RFWD3: variants seen among roughly 807,000 people sequenced by gnomAD.
RFWD3 encodes E3 ubiquitin-protein ligase RFWD3.
A neutral mutation model predicts 87.7 loss-of-function variants in RFWD3; 65 were observed. That is an observed-to-expected ratio of 0.74 (90% CI 0.61 to 0.91). The LOEUF is 0.91. Among genes scored for constraint, RFWD3 ranks in the 40% least tolerant of loss-of-function variants. The pLI is 0.00. For synonymous variants in RFWD3, 433 were observed against 352.8 expected, an observed-to-expected ratio of 1.23 and a Z score of -2.55; for missense variants, 1,078 against 938.5, an observed-to-expected ratio of 1.15 and a Z score of -1.94.
intron 2 of RFWD3, among the ~76,000 whole-genome samples, chr16:74,659,505 G>C (rs1961261359): frequency 6.6e-6 from 1 of 152,060 alleles, no homozygotes; most frequent in South Asian, 2.1e-4. Context: ...TGAGGCACAA[G>C]AATCGCTTGA....
chr16:74,624,363 A>C (rs1469103910), intron 12 of RFWD3, among the ~76,000 whole-genome samples: 1 of 152,162 alleles, frequency 6.6e-6, no homozygotes, highest in East Asian at 1.9e-4. Context: ...AGGGTCAATA[A>C]GATAAAGTCC....
intron 10 of RFWD3, among the ~76,000 whole-genome samples, chr16:74,629,253 C>G (rs924042143): frequency 6.6e-6 from 1 of 152,074 alleles, no homozygotes; most frequent in African/African-American, 2.4e-5. Context: ...CCAAAGTTGC[C>G]AAAGTGTCTA....
chr16:74,660,990 T>C lies in RFWD3; in HGVS notation c.460A>G (p.Arg154Gly). 1 of 1,614,144 alleles carries C rather than the reference T, an allele frequency of 6.2e-7. No individual in the cohort carries two copies. ...CTTGCCCTCCGTGAAGCAGATACCC[T>C]CCTTCTTGTTCTCATTGGCCCTACA... ...HSVGPMRTRR[R>G]VSASRRARAG... is the part of the protein sequence containing the mutation. The change falls in exon 2 of 13, where the codon AGG becomes GGG. Residue 154 changes from arginine to glycine, a missense_variant. By Grantham distance (125) the Arg-to-Gly change is moderately radical (BLOSUM62 -2). Transcript: ENST00000361070.
rs1200156371 is a variant in RFWD3 at position 74,644,792 on chromosome 16, A to G, written c.793-57T>C. The G allele has an allele frequency of 7.2e-6, 11 of 1,526,758 alleles. No individual in the cohort carries two copies. The African/African-American group carries it at 1.5e-4, about 21-fold the overall frequency. The allele number at this position is 1,526,758 out of a possible 1,614,324, so 94.6% of individuals were successfully genotyped here. On this transcript the variant is annotated intron_variant, in intron 4 of 12. Coordinates refer to ENST00000361070, the MANE Select transcript of RFWD3 (RefSeq NM_018124.4). Reference sequence around the variant, plus strand: ...AGAAAATGTAAAATCAATCTTGAAGAAGATGTGCAACTAAGAAATTAACAG... The same window carrying G: ...AGAAAATGTAAAATCAATCTTGAAGGAGATGTGCAACTAAGAAATTAACAG...
At chr16:74,634,377 T>C (rs1183996902) in intron 8 of RFWD3, among the ~76,000 whole-genome samples, 4 of 88,352 alleles carry the variant, frequency 4.5e-5, no homozygotes, top group Admixed American at 3.7e-4. Context: ...TACTAAGTAC[T>C]TTATATATAT....
intron 6 of RFWD3, among the ~76,000 whole-genome samples, chr16:74,643,442 T>G (rs943945099): frequency 4.6e-5 from 7 of 152,196 alleles, no homozygotes; most frequent in Non-Finnish European, 1.0e-4. Flanking sequence ...AAATGAAGTT[T>G]CATTAAGTAA....
Position 74,661,118 on chromosome 16 carries a change from G to A in RFWD3, c.332C>T (p.Thr111Ile), listed in dbSNP as rs1961396285. The change falls in exon 2 of 13, where the codon ACC becomes ATC. Residue 111 changes from threonine to isoleucine, a missense_variant. By Grantham distance (89) the Thr-to-Ile change is moderately conservative (BLOSUM62 -1). Transcript: ENST00000361070. ...TGAATGCAACGAAGATGCTGGGATG[G>A]TGTGATTACCATCAGATCCCTGCCT... ...QHRQGSDGNH[T>I]IPASSLHSMT... 3 of 1,614,190 alleles carry A rather than the reference G, an allele frequency of 1.9e-6. No homozygotes were observed. Among genetic ancestry groups the A allele is most frequent in the South Asian group, 1.1e-5 (1 of 91,082 alleles).
At chr16:74,638,807 T>C (rs1959374190) in intron 6 of RFWD3, among the ~76,000 whole-genome samples, 3 of 152,178 alleles carry the variant, frequency 2.0e-5, no homozygotes, top group African/African-American at 4.8e-5. Context: ...AGCTTAATGA[T>C]GTGGGCATGT....
In RFWD3 at chr16:74,632,744, A is replaced by G. The variant is rs147656588; in HGVS notation, c.1427-71T>C. ...TAGGGCAATTCAAACTAGTTTTTCA[A>G]GTAGCTCCTTCGTCCACCTTTCTTG... On this transcript the variant is annotated intron_variant, in intron 8 of 12. Coordinates refer to ENST00000361070, the MANE Select transcript of RFWD3 (RefSeq NM_018124.4). 1.5e-5 allele frequency: 22 copies of G among 1,423,080 alleles called. No homozygotes were observed. In the East Asian group the frequency reaches 4.5e-4, roughly 29 times the overall value. The allele number at this position is 1,423,080 out of a possible 1,614,324, so 88.2% of individuals were successfully genotyped here. A position where few individuals can be genotyped will look rare whatever the true frequency, so the allele number is the denominator to read the frequency against.
In RFWD3 at chr16:74,621,945, C is replaced by T. The variant is rs901355183; in HGVS notation, c.*1983G>A. 6.6e-6 allele frequency: 1 copy of T among 152,122 alleles called. No individual in the cohort carries two copies. Among genetic ancestry groups the T allele is most frequent in the Non-Finnish European group, 1.5e-5 (1 of 68,034 alleles). 9.4% of individuals were successfully genotyped at this position (152,122 alleles called of 1,614,324 possible). On this transcript the variant is annotated 3_prime_UTR_variant, in exon 13 of 13. Coordinates refer to ENST00000361070, the MANE Select transcript of RFWD3 (RefSeq NM_018124.4). ...TTTTTTTCTTTGGAGAAATCACTCACGATCGTATGAATTTGCTTCCAAAAC... is the reference window on the plus strand; with the variant it reads ...TTTTTTTCTTTGGAGAAATCACTCATGATCGTATGAATTTGCTTCCAAAAC...
rs144727254 is a variant in RFWD3 at position 74,652,034 on chromosome 16, G to T, written c.607C>A (p.Pro203Thr). The change falls in exon 3 of 13, where the codon CCT (proline) becomes ACT (threonine). Residue 203 changes from proline to threonine, a missense_variant. Pro to Thr is a conservative substitution (Grantham distance 38). Transcript: ENST00000361070. Reference protein sequence around the residue: ...ATTYDSETRNPVSEELQVSSS... With the variant: ...ATTYDSETRNTVSEELQVSSS... ...GACACCTGCAACTCTTCAGATACAGGATTCCTAGTCTCTGAATCATAAGTG... is the reference window on the plus strand; with the variant it reads ...GACACCTGCAACTCTTCAGATACAGTATTCCTAGTCTCTGAATCATAAGTG... The T allele has an allele frequency of 6.2e-7, 1 of 1,614,094 alleles. No individual in the cohort carries two copies. Among genetic ancestry groups the T allele is most frequent in the Non-Finnish European group, 8.5e-7 (1 of 1,180,024 alleles).
At chr16:74,626,267 A>G in intron 12 of RFWD3, 76 bp downstream of exon 12, 1 of 1,354,732 alleles carries the variant, frequency 7.4e-7, no homozygotes. Flanking sequence ...TTCTGTAAAA[A>G]AAGTTCATGT....
At chr16:74,637,785 A>G (rs113144514) in intron 7 of RFWD3, 71 bp downstream of exon 7, 2 of 1,099,634 alleles carry the variant, frequency 1.8e-6, no homozygotes, top group Non-Finnish European at 2.7e-6. Flanking sequence ...TCTGAGATGA[A>G]CATAACTAAC....
chr16:74,649,033 G>A (rs1385179562), intron 4 of RFWD3, 99 bp downstream of exon 4: 2 of 669,928 alleles, frequency 3.0e-6, no homozygotes, highest in Admixed American at 3.4e-5. Flanking sequence ...AGTGAGTTAT[G>A]ACTGCACCAC....
chr16:74,636,895 T>C (rs1267707598), intron 7 of RFWD3, among the ~76,000 whole-genome samples: 1 of 151,528 alleles, frequency 6.6e-6, no homozygotes, highest in Non-Finnish European at 1.5e-5. Flanking sequence ...ATATTTTTAG[T>C]AGAGATGGGG....
Position 74,644,426 on chromosome 16 carries a change from T to G in RFWD3, c.1015A>C (p.Ile339Leu). 2 of 1,614,238 alleles carry G rather than the reference T, an allele frequency of 1.2e-6. No individual in the cohort carries two copies. The highest frequency in any genetic ancestry group is 1.1e-5 in the South Asian group (1 of 91,086). ...QCNKKARHSD[I>L]VVLYARTLRA... ...AGGGTTCGGGCATAAAGGACGACAATGTCACTGTGCCTGGCTTTCTTGTTG... is the reference window on the plus strand; with the variant it reads ...AGGGTTCGGGCATAAAGGACGACAAGGTCACTGTGCCTGGCTTTCTTGTTG... The change falls in exon 6 of 13, where the codon ATT (isoleucine) becomes CTT (leucine). Residue 339 changes from isoleucine (I) to leucine (L), a missense_variant. Transcript: ENST00000361070.
chr16:74,646,279 GGT>G (rs1960133312), intron 4 of RFWD3, among the ~76,000 whole-genome samples: 2 of 152,076 alleles, frequency 1.3e-5, no homozygotes, highest in African/African-American at 2.4e-5. Flanking sequence ...AGGAGGCTGA[GGT>G]AGAAGCATCA....
In RFWD3 at chr16:74,664,102, T is replaced by C. The variant is rs139223515; in HGVS notation, c.-2-2651A>G. Among the ~76,000 whole-genome samples the C allele has an allele frequency of 4.8e-4, 73 of 152,282 alleles. No homozygotes were observed. The East Asian group carries it at 0.012, about 26-fold the overall frequency. On this transcript the variant is annotated intron_variant, in intron 1 of 12. Transcript: ENST00000361070. Reference sequence around the variant, plus strand: ...GAAAGAAAGTCTGCAAACTGAACAATGTGAGATACTTCAAGTTTTAAACAT... The same window carrying C: ...GAAAGAAAGTCTGCAAACTGAACAACGTGAGATACTTCAAGTTTTAAACAT...
chr16:74,635,262 G>A (rs1417530066), intron 8 of RFWD3, among the ~76,000 whole-genome samples: 1 of 150,966 alleles, frequency 6.6e-6, no homozygotes, highest in Non-Finnish European at 1.5e-5. Flanking sequence ...CGGCCTAGGC[G>A]AAAGAGCGAG....
Sources: allele counts gnomAD v4.1 joint callset (sites outside exome capture counted in the v4.1 genomes callset), GRCh38; gene constraint gnomAD v4.1.1; transcripts MANE v1.5; gene names NCBI Gene and HGNC (gene_info 2026-07-23, HGNC 2026-07-21).